Variants in JAK1 observed in about 807,000 individuals in gnomAD.
JAK1 encodes the protein tyrosine-protein kinase JAK1.
A neutral mutation model predicts 136.6 loss-of-function variants in JAK1; 16 were observed. The observed-to-expected ratio is 0.12, with a 90% CI of 0.08 to 0.18. The LOEUF (loss-of-function observed/expected upper bound fraction) is 0.18, where lower values mean the gene tolerates loss of function less well. Among genes scored for constraint, JAK1 ranks in the 10% least tolerant of loss-of-function variants. JAK1 has a pLI of 1.00. For missense variants in JAK1, 859 were observed against 1,450.1 expected (o/e 0.59, Z 6.62); for synonymous variants, 492 against 519.5 (o/e 0.95, Z 0.72).
chr1:64,945,048 G>A (rs1449398464), intron 1 of JAK1, among the ~76,000 whole-genome samples: 1 of 151,708 alleles, frequency 6.6e-6, no homozygotes, highest in Admixed American at 6.6e-5. Flanking sequence ...CATCGGGATG[G>A]GCAGAACCCC....
At chr1:64,928,844 G>T (rs142378461) in intron 1 of JAK1, among the ~76,000 whole-genome samples, 1 of 142,224 alleles carries the variant, frequency 7.0e-6, no homozygotes, top group African/African-American at 2.5e-5. Flanking sequence ...TATTTTTAAG[G>T]TAATATATTA....
intron 1 of JAK1, among the ~76,000 whole-genome samples, chr1:64,909,098 T>G (rs1296955229): frequency 6.6e-6 from 1 of 152,246 alleles, no homozygotes; most frequent in Non-Finnish European, 1.5e-5. Flanking sequence ...ACATTTTTAT[T>G]TCTCCTTCCT....
chr1:65,027,115 C>T (rs1312874814), intron 2 of JAK1, among the ~76,000 whole-genome samples: 1 of 151,484 alleles, frequency 6.6e-6, no homozygotes, highest in Non-Finnish European at 1.5e-5. Flanking sequence ...GGTGCGATCT[C>T]GACTCACTGC....
At chr1:64,953,267 T>C (rs1190091260) in intron 1 of JAK1, among the ~76,000 whole-genome samples, 1 of 152,098 alleles carries the variant, frequency 6.6e-6, no homozygotes, top group Non-Finnish European at 1.5e-5. Context: ...AGCTATTTTG[T>C]AGGTTCTACC....
intron 1 of JAK1, among the ~76,000 whole-genome samples, chr1:65,055,214 A>G (rs1647478279): frequency 1.3e-5 from 2 of 150,286 alleles, no homozygotes; most frequent in Admixed American, 1.3e-4. Flanking sequence ...GTATGAATTT[A>G]ACGACTCTAG....
chr1:65,009,683 T>C (rs1027709939), intron 2 of JAK1, among the ~76,000 whole-genome samples: 1 of 152,202 alleles, frequency 6.6e-6, no homozygotes, highest in Non-Finnish European at 1.5e-5. Flanking sequence ...CTTTTACATA[T>C]GCTAACTCAT....
At chr1:64,999,536 G>A (rs562700089) in intron 2 of JAK1, among the ~76,000 whole-genome samples, 5 of 152,200 alleles carry the variant, frequency 3.3e-5, no homozygotes, top group South Asian at 2.1e-4. Context: ...CCAGGAGCTC[G>A]AGACCAGCCT....
chr1:64,861,253 C>T (rs1656319891), intron 8 of JAK1, among the ~76,000 whole-genome samples: 2 of 152,134 alleles, frequency 1.3e-5, no homozygotes, highest in Admixed American at 1.3e-4. Context: ...GGATTTTAAT[C>T]TAGGAATAAT....
At chr1:64,886,223 T>C in intron 2 of JAK1, 36 bp downstream of exon 2, 3 of 1,367,734 alleles carry the variant, frequency 2.2e-6, no homozygotes, top group Non-Finnish European at 3.1e-6. Context: ...TAAAGCCAGA[T>C]ATTTTCCTTT....
Position 64,984,986 on chromosome 1 carries a change from G to A in JAK1, c.-78+59494C>T, listed in dbSNP as rs1320905359. On this transcript the variant is annotated intron_variant, in intron 2 of 25. Transcript: ENST00000671954. This position sits in a 1 kb window ranked among gnomAD's most constrained non-coding sequence, Gnocchi z 4.1. Reference sequence around the variant, plus strand: ...TTTCAAAGAAGACCACAAAGACCAAGATAGCCCCAATACAGACAAAGCTTA... The same window carrying A: ...TTTCAAAGAAGACCACAAAGACCAAAATAGCCCCAATACAGACAAAGCTTA... 18 of 894,860 alleles carry A rather than the reference G, an allele frequency of 2.0e-5. No homozygotes were observed. Among genetic ancestry groups the A allele is most frequent in the Non-Finnish European group, 3.4e-5 (18 of 527,688 alleles). 55.4% of individuals were successfully genotyped at this position (894,860 alleles called of 1,614,324 possible). A position where few individuals can be genotyped will look rare whatever the true frequency, so the allele number is the denominator to read the frequency against.
intron 2 of JAK1, among the ~76,000 whole-genome samples, chr1:65,032,439 G>T (rs193028519): frequency 3.5e-4 from 54 of 152,194 alleles, no homozygotes; most frequent in African/African-American, 1.2e-3. Context: ...TGTTTACAGC[G>T]AGCCCTTTTG....
At chr1:64,909,728 G>A (rs562392911) in intron 1 of JAK1, among the ~76,000 whole-genome samples, 33 of 151,984 alleles carry the variant, frequency 2.2e-4, no homozygotes, top group Admixed American at 6.6e-4. Flanking sequence ...GGAGGCTGAA[G>A]TGGGAGGATC....
chr1:65,028,445 T>C (rs920214209), intron 2 of JAK1, among the ~76,000 whole-genome samples: 1 of 131,146 alleles, frequency 7.6e-6, no homozygotes, highest in Non-Finnish European at 1.5e-5. Flanking sequence ...CCATTAACTA[T>C]GTGGCAAATG....
chr1:64,928,796 A>AAAAAAAAAAAAAAAAAAAAAAT (rs58742571), intron 1 of JAK1, among the ~76,000 whole-genome samples: 18 of 125,248 alleles, frequency 1.4e-4, no homozygotes, highest in Non-Finnish European at 2.8e-4. Flanking sequence ...AAAAAAAAAA[A>AAAAAAAAAAAAAAAAAAAAAAT]CAAAAAAAAA....
intron 8 of JAK1, among the ~76,000 whole-genome samples, chr1:64,863,866 A>G (rs1186471890): frequency 6.6e-6 from 1 of 152,238 alleles, no homozygotes; most frequent in Non-Finnish European, 1.5e-5. Flanking sequence ...ACTGGAATGA[A>G]TATTCTTATT....
At chr1:64,942,082 AG>A (rs1246473012) in intron 1 of JAK1, 1 of 152,286 alleles carries the variant, frequency 6.6e-6, no homozygotes, top group Admixed American at 6.5e-5. Flanking sequence ...TTACCAAATT[AG>A]AGGAAAAGAT....
intron 11 of JAK1, among the ~76,000 whole-genome samples, chr1:64,854,716 C>T (rs916638420): frequency 2.6e-5 from 4 of 152,128 alleles, no homozygotes; most frequent in African/African-American, 9.7e-5. Flanking sequence ...TCCTCCCTGG[C>T]CCCTACAGCC....
At chr1:64,999,900 G>C (rs1266383474) in intron 2 of JAK1, among the ~76,000 whole-genome samples, 1 of 151,928 alleles carries the variant, frequency 6.6e-6, no homozygotes, top group Non-Finnish European at 1.5e-5. Context: ...ATTCTGGCAT[G>C]TCTGGCATGT....
intron 1 of JAK1, among the ~76,000 whole-genome samples, chr1:64,903,581 G>A (rs557864464): frequency 6.6e-6 from 1 of 152,182 alleles, no homozygotes; most frequent in Admixed American, 6.5e-5. Flanking sequence ...ACATACCTGG[G>A]TCCTAATTCT....
Sources: gnomAD v4.1 joint callset for allele counts (sites outside exome capture counted in the v4.1 genomes callset) on GRCh38, gnomAD v4.1.1 for gene constraint, Gnocchi (gnomAD v3.1) non-coding constraint, MANE v1.5 for transcripts, NCBI Gene and HGNC (gene_info 2026-07-23, HGNC 2026-07-21) for gene names.